Variants in IL1RL1 observed in about 807,000 individuals in gnomAD.
The protein encoded by IL1RL1 is interleukin-1 receptor-like 1.
A neutral mutation model predicts 50.9 loss-of-function variants in IL1RL1; 32 were observed. The ratio of observed to expected loss-of-function variants is 0.63; its 90% CI spans 0.47 to 0.84. The LOEUF is 0.84. Among genes scored for constraint, IL1RL1 ranks in the 40% least tolerant of loss-of-function variants. The probability of loss-of-function intolerance (pLI) is 0.00; values close to 1 mark genes in which losing one functional copy is unlikely to be tolerated. For synonymous variants in IL1RL1, 275 were observed against 236.0 expected (o/e 1.17, Z -1.51); for missense variants, 773 against 662.9 (o/e 1.17, Z -1.82).
intron 1 of IL1RL1, among the ~76,000 whole-genome samples, chr2:102,327,968 C>G (rs1677061371): frequency 6.6e-6 from 1 of 152,120 alleles, no homozygotes. Context: ...CTATTCCAAT[C>G]AATAGAAAAA....
chr2:102,334,773 T>G (rs546605670), intron 1 of IL1RL1, among the ~76,000 whole-genome samples: 1 of 152,208 alleles, frequency 6.6e-6, no homozygotes, highest in Non-Finnish European at 1.5e-5. Flanking sequence ...TACATTTCAG[T>G]GTGATATCTG....
At position 102,333,577 on chromosome 2, in the gene IL1RL1, G is replaced by A. The variant is rs150296489; in HGVS notation, c.-149-4539G>A. Reference sequence around the variant, plus strand: ...AATTCCACTTGTTCCTTGAATATATGATGGTTTCTTCTGTTTTTGTTTGTT... The same window carrying A: ...AATTCCACTTGTTCCTTGAATATATAATGGTTTCTTCTGTTTTTGTTTGTT... On this transcript the variant is annotated intron_variant, in intron 1 of 10. Transcript: ENST00000233954. Among the ~76,000 whole-genome samples the A allele has an allele frequency of 3.5e-3, 533 of 152,282 alleles. 2 individuals carry two copies. Among genetic ancestry groups the A allele is most frequent in the African/African-American group, 0.011 (454 of 41,562 alleles).
Position 102,339,009 on chromosome 2 carries a change from A to G in IL1RL1, c.234A>G (p.Ala78=). 6.2e-7 allele frequency: 1 copy of G among 1,613,884 alleles called. No homozygotes were observed. Among genetic ancestry groups the G allele is most frequent in the Non-Finnish European group, 8.5e-7 (1 of 1,179,802 alleles). The change falls in exon 3 of 11, where the codon GCA becomes GCG. Residue 78 remains alanine (A), a synonymous_variant. Coordinates refer to ENST00000233954, the MANE Select transcript of IL1RL1 (RefSeq NM_016232.5). ...SGQLLKFLPA[A]VADSGIYTCI... is the part of the protein sequence containing the mutation. ...AACTTCTGAAGTTTCTACCAGCTGC[A>G]GTTGCTGATTCTGGTATTTATACCT...
chr2:102,315,172 C>G (rs1432781114), intron 1 of IL1RL1, among the ~76,000 whole-genome samples: 1 of 152,102 alleles, frequency 6.6e-6, no homozygotes, highest in African/African-American at 2.4e-5. Flanking sequence ...GCCCTCTCAG[C>G]CCCACTGCCA....
chr2:102,346,476 A>G (rs1677788101), intron 8 of IL1RL1, among the ~76,000 whole-genome samples: 1 of 152,226 alleles, frequency 6.6e-6, no homozygotes, highest in Non-Finnish European at 1.5e-5. Context: ...TTATAAAATA[A>G]TTCACACTTA....
chr2:102,327,618 A>G (rs1020386575), intron 1 of IL1RL1, among the ~76,000 whole-genome samples: 2 of 152,228 alleles, frequency 1.3e-5, no homozygotes, highest in Admixed American at 6.5e-5. Context: ...CAAGACTAAT[A>G]AAGAAGAAAA....
chr2:102,338,242 C>A lies in IL1RL1; in HGVS notation c.-23C>A. 1 of 1,568,820 alleles carries A rather than the reference C, an allele frequency of 6.4e-7. No individual in the cohort carries two copies. Among genetic ancestry groups the A allele is most frequent in the Non-Finnish European group, 8.8e-7 (1 of 1,141,708 alleles). ...TAATCTCAACAACGAGTTACCAATA[C>A]TTGCTCTTGATTGATAAACAGAATG... On this transcript the variant is annotated 5_prime_UTR_variant, in exon 2 of 11. Coordinates refer to ENST00000233954, the MANE Select transcript of IL1RL1 (RefSeq NM_016232.5).
intron 1 of IL1RL1, among the ~76,000 whole-genome samples, chr2:102,325,412 C>A (rs1347482523): frequency 1.3e-5 from 2 of 151,954 alleles, no homozygotes; most frequent in African/African-American, 4.8e-5. Context: ...AAAAACAGAG[C>A]AGAAAAACTG....
chr2:102,337,146 T>G (rs1677355042), intron 1 of IL1RL1: 1 of 152,326 alleles, frequency 6.6e-6, no homozygotes, highest in African/African-American at 2.4e-5. Flanking sequence ...CAAGAATTCT[T>G]AGTACATGAT....
chr2:102,325,754 G>A (rs1676979382), intron 1 of IL1RL1, among the ~76,000 whole-genome samples: 1 of 152,186 alleles, frequency 6.6e-6, no homozygotes, highest in South Asian at 2.1e-4. Flanking sequence ...GGGTATCAGT[G>A]ACGGAAGATC....
At chr2:102,343,618 T>G in intron 8 of IL1RL1, 1 of 1,446,308 alleles carries the variant, frequency 6.9e-7, no homozygotes, top group Non-Finnish European at 9.1e-7. Context: ...GCTTAAATTG[T>G]TCGTCCTCCC....
At position 102,340,289 on chromosome 2, in the gene IL1RL1, A is replaced by G. The variant is rs943229118; in HGVS notation, c.447+17A>G. ...TGGTTTAAGGTAAGAAGAAATTTGG[A>G]AGGAAATAGATGAAAATTACACAAT... On this transcript the variant is annotated intron_variant, in intron 4 of 10. Coordinates refer to ENST00000233954, the MANE Select transcript of IL1RL1 (RefSeq NM_016232.5). 6 of 1,570,068 alleles carry G rather than the reference A, an allele frequency of 3.8e-6. No homozygotes were observed. Among genetic ancestry groups the G allele is most frequent in the Non-Finnish European group, 1.7e-6 (2 of 1,159,558 alleles).
intron 1 of IL1RL1, among the ~76,000 whole-genome samples, chr2:102,316,054 T>G (rs1283529384): frequency 6.6e-6 from 1 of 152,204 alleles, no homozygotes; most frequent in Admixed American, 6.5e-5. Flanking sequence ...CTCTGGTCGC[T>G]GGGTCAGATC....
At chr2:102,336,813 A>G (rs921165215) in intron 1 of IL1RL1, among the ~76,000 whole-genome samples, 1 of 152,192 alleles carries the variant, frequency 6.6e-6, no homozygotes, top group South Asian at 2.1e-4. Flanking sequence ...TAAGTTCCAG[A>G]AAGTGCTGCT....
chr2:102,324,363 C>A (rs1286031526), intron 1 of IL1RL1, among the ~76,000 whole-genome samples: 1 of 152,068 alleles, frequency 6.6e-6, no homozygotes, highest in Non-Finnish European at 1.5e-5. Flanking sequence ...AATAGAATCT[C>A]GATATTGTGG....
chr2:102,318,197 G>A (rs1676733745), intron 1 of IL1RL1, among the ~76,000 whole-genome samples: 2 of 152,166 alleles, frequency 1.3e-5, no homozygotes, highest in African/African-American at 4.8e-5. Flanking sequence ...GGAAGGATCA[G>A]TGCAAAGACT....
At position 102,338,830 on chromosome 2, in the gene IL1RL1, T is replaced by G. The variant is rs751566035; in HGVS notation, c.62-7T>G. 2 of 1,594,616 alleles carry G rather than the reference T, an allele frequency of 1.3e-6. No individual in the cohort carries two copies. The highest frequency in any genetic ancestry group is 1.7e-6 in the Non-Finnish European group (2 of 1,162,902). ...TTCAGGATTGTCTTTATATCTTTTA[T>G]TTGCAGGTAAACAATCATGGGGCCT... On this transcript the variant is annotated splice_region_variant and splice_polypyrimidine_tract_variant and intron_variant, in intron 2 of 10. Transcript: ENST00000233954.
At chr2:102,327,181 GA>G in intron 1 of IL1RL1, among the ~76,000 whole-genome samples, 1 of 152,158 alleles carries the variant, frequency 6.6e-6, no homozygotes, top group East Asian at 1.9e-4. Flanking sequence ...AATCAAACTA[GA>G]ACTCAGGATT....
intron 3 of IL1RL1, chr2:102,339,560 A>G (rs1346532535): frequency 6.4e-6 from 1 of 155,618 alleles, no homozygotes; most frequent in Non-Finnish European, 1.4e-5. Flanking sequence ...AATGAATTAA[A>G]TCAAAAAGCA....
Sources: allele counts gnomAD v4.1 joint callset (sites outside exome capture counted in the v4.1 genomes callset), GRCh38; gene constraint gnomAD v4.1.1; transcripts MANE v1.5; gene names NCBI Gene and HGNC (gene_info 2026-07-23, HGNC 2026-07-21).